The following SRGAP1 variants were observed in gnomAD, a reference collection of about 807,000 sequenced individuals.
SRGAP1 encodes the protein SLIT-ROBO Rho GTPase-activating protein 1.
Under a neutral mutation model 121.9 loss-of-function variants are expected in SRGAP1, and 43 were observed. The observed-to-expected ratio is 0.35, with a 90% CI of 0.28 to 0.46. The LOEUF (loss-of-function observed/expected upper bound fraction) is 0.46. Among genes scored for constraint, SRGAP1 ranks in the 20% least tolerant of loss-of-function variants. The probability of loss-of-function intolerance (pLI) is 1.00; values close to 1 mark genes in which losing one functional copy is unlikely to be tolerated. For synonymous variants in SRGAP1, 447 were observed against 485.4 expected (o/e 0.92, Z 1.04); for missense variants, 1,102 against 1,350.9 (o/e 0.82, Z 2.89).
In SRGAP1 at chr12:64,155,558, A is replaced by AATAC; in HGVS notation, c.*12889_*12890insCATA. On this transcript the variant is annotated 3_prime_UTR_variant, in exon 22 of 22. Coordinates refer to ENST00000355086, the MANE Select transcript of SRGAP1 (RefSeq NM_020762.4). ...GACTCCGTCTCAAAATAAATAAATA[A>AATAC]ATAAATATATTAAAAAATAAACAAG... The AATAC allele has an allele frequency of 1.3e-5, 2 of 151,992 alleles. No individual in the cohort carries two copies. The highest frequency in any genetic ancestry group is 3.9e-4 in the East Asian group (2 of 5,080). The allele number at this position is 151,992 out of a possible 1,614,324, so 9.4% of individuals were successfully genotyped here. A position where few individuals can be genotyped will look rare whatever the true frequency, so the allele number is the denominator to read the frequency against.
chr12:63,970,022 C>T (rs1242139482), intron 1 of SRGAP1, among the ~76,000 whole-genome samples: 1 of 152,112 alleles, frequency 6.6e-6, no homozygotes, highest in Non-Finnish European at 1.5e-5. Flanking sequence ...TCCCCTTGAG[C>T]TATGCTTCCC....
At chr12:64,069,022 A>ATG (rs1555171297) in intron 8 of SRGAP1, among the ~76,000 whole-genome samples, 1 of 150,298 alleles carries the variant, frequency 6.7e-6, no homozygotes, top group African/African-American at 2.4e-5. Context: ...AAAAAAAAAA[A>ATG]TGTGTGTATA....
At chr12:63,861,430 GC>G (rs1428161426) in intron 1 of SRGAP1, among the ~76,000 whole-genome samples, 2 of 151,256 alleles carry the variant, frequency 1.3e-5, no homozygotes, top group South Asian at 2.1e-4. Context: ...CTCTGGAGTA[GC>G]TAGGATTATA....
chr12:64,007,630 C>T (rs2034125325), intron 3 of SRGAP1, among the ~76,000 whole-genome samples: 1 of 152,094 alleles, frequency 6.6e-6, no homozygotes, highest in South Asian at 2.1e-4. Context: ...AGCTAGGACT[C>T]AATATTTGAA....
chr12:64,127,614 G>T lies in SRGAP1; in HGVS notation c.2430G>T (p.Leu810=), dbSNP rs1381033904. Residue 810 remains leucine, a synonymous_variant, in exon 20 of 22, where the codon CTG becomes CTT. Coordinates refer to ENST00000355086, the MANE Select transcript of SRGAP1 (RefSeq NM_020762.4). ...QDMDDTFSDT[L]SQKADSEASS... The stretch of plus-strand genomic sequence containing the variant: ...GGGATGATACGTTTTCAGACACTCT[G>T]AGCCAAAAAGCCGACAGTGAGGCCA... 6.2e-7 allele frequency: 1 copy of T among 1,613,924 alleles called. No individual in the cohort carries two copies. The highest frequency in any genetic ancestry group is 2.2e-5 in the East Asian group (1 of 44,848).
In SRGAP1 at chr12:64,096,162, A is replaced by G. The variant is rs575878054; in HGVS notation, c.1678+958A>G. On this transcript the variant is annotated intron_variant, in intron 14 of 21. Transcript: ENST00000355086. ...GTGCTAGCCACCACAGGCAAAATAC[A>G]TGATCATTTTTCCTTGGAAATTTTC... Among the ~76,000 whole-genome samples, 125 of 152,316 alleles carry G rather than the reference A, an allele frequency of 8.2e-4. 1 individual carries two copies. The highest frequency in any genetic ancestry group is 1.7e-3 in the Non-Finnish European group (118 of 68,028).
Position 64,152,897 on chromosome 12 carries a change from T to C in SRGAP1, c.*10225T>C, listed in dbSNP as rs1306330196. On this transcript the variant is annotated 3_prime_UTR_variant, in exon 22 of 22. Coordinates refer to ENST00000355086, the MANE Select transcript of SRGAP1 (RefSeq NM_020762.4). ...GGGCTCCTGGTCTCATGGAGTGTAC[T>C]TCCTGGTATGATTTAAAAAAAAAAA... 2.2e-5 allele frequency: 3 copies of C among 139,022 alleles called. No homozygotes were observed. The highest frequency in any genetic ancestry group is 8.2e-5 in the African/African-American group (3 of 36,634). The allele number at this position is 139,022 out of a possible 1,614,324, so 8.6% of individuals were successfully genotyped here.
In SRGAP1 at chr12:64,031,662, A is replaced by G. The variant is rs2034784087; in HGVS notation, c.490-11128A>G. On this transcript the variant is annotated intron_variant, in intron 4 of 21. Coordinates refer to ENST00000355086, the MANE Select transcript of SRGAP1 (RefSeq NM_020762.4). ...TCCTACACTATTTCCTCTGAGCTTC[A>G]TCAGATATTCTCCTTTTAAAGGATA... Among the ~76,000 whole-genome samples the G allele has an allele frequency of 2.0e-5, 3 of 152,168 alleles. No individual in the cohort carries two copies. The South Asian group carries it at 6.2e-4, about 32-fold the overall frequency.
At chr12:64,131,429 C>T (rs983134311) in intron 21 of SRGAP1, among the ~76,000 whole-genome samples, 1 of 152,224 alleles carries the variant, frequency 6.6e-6, no homozygotes, top group Non-Finnish European at 1.5e-5. Context: ...AGTGCACAGC[C>T]AGGTGCACTG....
intron 1 of SRGAP1, among the ~76,000 whole-genome samples, chr12:63,930,571 T>C (rs1271326278): frequency 1.3e-5 from 2 of 152,144 alleles, no homozygotes; most frequent in Non-Finnish European, 2.9e-5. Flanking sequence ...TTTTCTCTCT[T>C]TTTAATTATG....
chr12:64,040,847 A>G (rs893895296), intron 4 of SRGAP1, among the ~76,000 whole-genome samples: 9 of 152,316 alleles, frequency 5.9e-5, no homozygotes, highest in African/African-American at 2.2e-4. Flanking sequence ...TGAGTATAAA[A>G]TTGGCAATAT....
At position 63,931,867 on chromosome 12, in the gene SRGAP1, C is replaced by G. The variant is rs2031486702; in HGVS notation, c.68-52080C>G. On this transcript the variant is annotated intron_variant, in intron 1 of 21. Coordinates refer to ENST00000355086, the MANE Select transcript of SRGAP1 (RefSeq NM_020762.4). ...AAGAGAATAGACAAAGGAATGAGGG[C>G]TGGAAAGTAGCCTGCTGATCAGGTC... is the stretch of plus-strand genomic sequence containing the variant. Among the ~76,000 whole-genome samples the G allele has an allele frequency of 2.0e-5, 3 of 152,102 alleles. No homozygotes were observed. The South Asian group carries it at 6.2e-4, about 31-fold the overall frequency.
chr12:63,880,138 G>T (rs531885555), intron 1 of SRGAP1, among the ~76,000 whole-genome samples: 6 of 152,254 alleles, frequency 3.9e-5, no homozygotes, highest in African/African-American at 1.4e-4. Flanking sequence ...ACACTCTCTA[G>T]CCTGCTGCCA....
chr12:64,021,051 C>T (rs2034537596), intron 4 of SRGAP1, among the ~76,000 whole-genome samples: 1 of 151,918 alleles, frequency 6.6e-6, no homozygotes, highest in Non-Finnish European at 1.5e-5. Flanking sequence ...TTCAGTTAAA[C>T]CCCATTGTAA....
At chr12:64,062,507 T>C (rs1452060790) in intron 6 of SRGAP1, among the ~76,000 whole-genome samples, 1 of 152,102 alleles carries the variant, frequency 6.6e-6, no homozygotes, top group East Asian at 1.9e-4. Context: ...ACTCTCTTGA[T>C]AGTGTCTATT....
chr12:64,013,801 G>T (rs1472792626), intron 3 of SRGAP1, among the ~76,000 whole-genome samples: 1 of 152,160 alleles, frequency 6.6e-6, no homozygotes, highest in African/African-American at 2.4e-5. Context: ...CATGGCAAGG[G>T]AATATGGATA....
chr12:64,078,738 G>A (rs1016756905), intron 8 of SRGAP1, among the ~76,000 whole-genome samples, 181 bp from the exon 9 acceptor site: 2 of 152,148 alleles, frequency 1.3e-5, no homozygotes, highest in Non-Finnish European at 2.9e-5. Flanking sequence ...TGATTTTGAA[G>A]AAATCATTCT....
chr12:64,112,729 C>G (rs964076192), intron 17 of SRGAP1, among the ~76,000 whole-genome samples: 12 of 152,054 alleles, frequency 7.9e-5, no homozygotes, highest in Non-Finnish European at 1.3e-4. Context: ...TACTGATTTC[C>G]TTTCTTTTGG....
Position 64,142,781 on chromosome 12 carries a change from A to T in SRGAP1, c.*109A>T. 7.0e-7 allele frequency: 1 copy of T among 1,436,802 alleles called. No individual in the cohort carries two copies. Among genetic ancestry groups the T allele is most frequent in the Non-Finnish European group, 9.3e-7 (1 of 1,071,254 alleles). 89.0% of individuals were successfully genotyped at this position (1,436,802 alleles called of 1,614,324 possible). A position where few individuals can be genotyped will look rare whatever the true frequency, so the allele number is the denominator to read the frequency against. On this transcript the variant is annotated 3_prime_UTR_variant, in exon 22 of 22. Coordinates refer to ENST00000355086, the MANE Select transcript of SRGAP1 (RefSeq NM_020762.4). Reference sequence around the variant, plus strand: ...CTTAGTTTTGTGCTTATAACTGGAGATCTTTTGGCTTTTCTATGTTGTCGA... The same window carrying T: ...CTTAGTTTTGTGCTTATAACTGGAGTTCTTTTGGCTTTTCTATGTTGTCGA...
Sources: allele counts gnomAD v4.1 joint callset (sites outside exome capture counted in the v4.1 genomes callset), GRCh38; gene constraint gnomAD v4.1.1; transcripts MANE v1.5; gene names NCBI Gene and HGNC (gene_info 2026-07-23, HGNC 2026-07-21).